The following FZD3 variants were observed in gnomAD, a reference collection of about 807,000 sequenced individuals.
The protein encoded by FZD3 is frizzled-3.
Under a neutral mutation model 60.7 loss-of-function variants are expected in FZD3, and 30 were observed. The ratio of observed to expected loss-of-function variants is 0.49; its 90% CI spans 0.37 to 0.67. FZD3 has a LOEUF of 0.67. Ranked by LOEUF, FZD3 falls within the 30% of genes least tolerant of loss-of-function variation. The pLI is 0.00. For synonymous variants in FZD3, 246 were observed against 275.2 expected (o/e 0.89, Z 1.05); for missense variants, 605 against 838.7 (o/e 0.72, Z 3.44).
At chr8:28,498,355 A>G (rs1443398942) in intron 1 of FZD3, among the ~76,000 whole-genome samples, 1 of 151,126 alleles carries the variant, frequency 6.6e-6, no homozygotes, top group Non-Finnish European at 1.5e-5. Context: ...GCCCCAAATG[A>G]CTGTTAACTT....
At position 28,527,089 on chromosome 8, in the gene FZD3, A is replaced by G. The variant is rs2130372343; in HGVS notation, c.387-58A>G. On this transcript the variant is annotated intron_variant, in intron 4 of 7. Coordinates refer to ENST00000240093, the MANE Select transcript of FZD3 (RefSeq NM_017412.4). The surrounding 1 kb of genome is among the most constrained non-coding windows in gnomAD (Gnocchi z 5.0). Reference sequence around the variant, plus strand: ...GCCAGATTTGGAAATCCAAACTGTTAGATCGTGATAGATTTCCCCATAAGT... The same window carrying G: ...GCCAGATTTGGAAATCCAAACTGTTGGATCGTGATAGATTTCCCCATAAGT... 2 of 1,417,794 alleles carry G rather than the reference A, an allele frequency of 1.4e-6. No homozygotes were observed. Among genetic ancestry groups the G allele is most frequent in the East Asian group, 4.6e-5 (2 of 43,874 alleles). The allele number at this position is 1,417,794 out of a possible 1,614,324, so 87.8% of individuals were successfully genotyped here.
intron 3 of FZD3, among the ~76,000 whole-genome samples, chr8:28,509,361 C>T (rs539952214): frequency 2.0e-5 from 3 of 151,402 alleles, no homozygotes; most frequent in Admixed American, 2.0e-4. Context: ...ATTCTTTCAC[C>T]TTTTTTGATA....
intron 5 of FZD3, among the ~76,000 whole-genome samples, chr8:28,538,344 G>T (rs1805073059): frequency 6.6e-6 from 1 of 152,066 alleles, no homozygotes; most frequent in Non-Finnish European, 1.5e-5. Flanking sequence ...AATCATAGTT[G>T]CTTCTAGTTT....
At chr8:28,547,437 A>G (rs1291918591) in intron 5 of FZD3, among the ~76,000 whole-genome samples, 1 of 152,250 alleles carries the variant, frequency 6.6e-6, no homozygotes, top group Admixed American at 6.5e-5. Flanking sequence ...GCTTAATCAA[A>G]GGGTATAACT....
rs757929515 is a variant in FZD3 at position 28,567,487 on chromosome 8, A to G, written c.*4476A>G. The G allele has an allele frequency of 1.3e-5, 2 of 152,202 alleles. No individual in the cohort carries two copies. The highest frequency in any genetic ancestry group is 4.8e-5 in the African/African-American group (2 of 41,378). 9.4% of individuals were successfully genotyped at this position (152,202 alleles called of 1,614,324 possible). On this transcript the variant is annotated 3_prime_UTR_variant, in exon 8 of 8. Coordinates refer to ENST00000240093, the MANE Select transcript of FZD3 (RefSeq NM_017412.4). ...ATTTTTTGTAGAGATGAGTCTCACT[A>G]TGTTGACCAGGCTGGTCTTGAACTC...
At chr8:28,530,095 G>C (rs948933985) in intron 5 of FZD3, among the ~76,000 whole-genome samples, 8 of 16,914 alleles carry the variant, frequency 4.7e-4, no homozygotes, top group Admixed American at 3.0e-3. Context: ...ATATCTGTGT[G>C]TGTGTGTGTG....
At chr8:28,512,146 G>A (rs1028131926) in intron 3 of FZD3, among the ~76,000 whole-genome samples, 2 of 151,920 alleles carry the variant, frequency 1.3e-5, no homozygotes, top group Non-Finnish European at 2.9e-5. Context: ...TGGGTGGTAG[G>A]GGACAGAGTG....
At chr8:28,538,443 A>G (rs1364427592) in intron 5 of FZD3, among the ~76,000 whole-genome samples, 1 of 152,154 alleles carries the variant, frequency 6.6e-6, no homozygotes, top group East Asian at 1.9e-4. Context: ...AGTAAGTTAT[A>G]TTGTACTCAG....
intron 3 of FZD3, among the ~76,000 whole-genome samples, chr8:28,514,808 G>A (rs1453744471): frequency 6.6e-6 from 1 of 152,192 alleles, no homozygotes; most frequent in East Asian, 1.9e-4. Flanking sequence ...AAGTAGGCCT[G>A]CTACAGCTCT....
rs77674172 is a variant in FZD3, at chr8:28,498,879, A to C, written c.-390-1054A>C. Among the ~76,000 whole-genome samples, 1,314 of 152,348 alleles carry C rather than the reference A, an allele frequency of 8.6e-3. 21 individuals are homozygous for C. The highest frequency in any genetic ancestry group is 0.03 in the African/African-American group (1,242 of 41,572). Reference sequence around the variant, plus strand: ...TGTGCCCAGCCAGGAATGTTTATCAAAAGTTTTTAAATTGTGCATACCATT... The same window carrying C: ...TGTGCCCAGCCAGGAATGTTTATCACAAGTTTTTAAATTGTGCATACCATT... On this transcript the variant is annotated intron_variant, in intron 1 of 7. Coordinates refer to ENST00000240093, the MANE Select transcript of FZD3 (RefSeq NM_017412.4).
Position 28,555,754 on chromosome 8 carries a change from C to T in FZD3, c.1570C>T (p.Arg524Ter). 1 of 1,605,154 alleles carries T rather than the reference C, an allele frequency of 6.2e-7. No homozygotes were observed. The change falls in exon 7 of 8, where the codon CGA becomes TGA. Residue 524 changes from arginine (R) to a stop codon, truncating the protein, a stop_gained. Transcript: ENST00000240093. LOFTEE classifies it high-confidence loss of function. The stretch of plus-strand genomic sequence containing the variant: ...GTTGTCTAGGATAGTGAATGAGAGC[C>T]GACAGGTACTCCAGGAACCTGATTT... Reference protein sequence around the residue: ...RRKKEIVNESRQVLQEPDFAQ... With the variant: ...RRKKEIVNES
At position 28,502,728 on chromosome 8, in the gene FZD3, A is replaced by T. The variant is rs1395440103; in HGVS notation, c.-286A>T. 4.7e-6 allele frequency: 1 copy of T among 213,418 alleles called. No individual in the cohort carries two copies. The highest frequency in any genetic ancestry group is 9.2e-6 in the Non-Finnish European group (1 of 108,682). 13.2% of individuals were successfully genotyped at this position (213,418 alleles called of 1,614,324 possible). On this transcript the variant is annotated 5_prime_UTR_variant, in exon 3 of 8. It removes an upstream start codon present in the reference 5' UTR. Coordinates refer to ENST00000240093, the MANE Select transcript of FZD3 (RefSeq NM_017412.4). ...CTAAGATGGAATCTGTGGTTTGGGAATGTGGTTGATCAACTTGATATGTTG... is the reference window on the plus strand; with the variant it reads ...CTAAGATGGAATCTGTGGTTTGGGATTGTGGTTGATCAACTTGATATGTTG...
At chr8:28,528,640 T>G (rs957478326) in intron 5 of FZD3, among the ~76,000 whole-genome samples, 3 of 152,148 alleles carry the variant, frequency 2.0e-5, no homozygotes, top group African/African-American at 7.2e-5. Flanking sequence ...GTTTAAAGAG[T>G]TCAGAGCCTC....
intron 7 of FZD3, among the ~76,000 whole-genome samples, chr8:28,560,557 G>T (rs1035665371): frequency 2.6e-5 from 4 of 152,012 alleles, no homozygotes; most frequent in African/African-American, 9.7e-5. Context: ...TATTATTTGA[G>T]TTTTTGTAAC....
At chr8:28,499,403 A>C (rs2130260425) in intron 1 of FZD3, among the ~76,000 whole-genome samples, 1 of 152,226 alleles carries the variant, frequency 6.6e-6, no homozygotes, top group African/African-American at 2.4e-5. Flanking sequence ...ACCATAATTT[A>C]TTTAACCAAT....
At chr8:28,505,386 C>T (rs1804110010) in intron 3 of FZD3, among the ~76,000 whole-genome samples, 1 of 152,052 alleles carries the variant, frequency 6.6e-6, no homozygotes, top group Non-Finnish European at 1.5e-5. Flanking sequence ...TGGTCTCACT[C>T]TGTGGCCCAC....
chr8:28,507,533 T>A (rs959536236), intron 3 of FZD3, among the ~76,000 whole-genome samples: 6 of 152,222 alleles, frequency 3.9e-5, no homozygotes, highest in African/African-American at 7.2e-5. Flanking sequence ...CCAATAGTTT[T>A]GTTAGGGGTT....
chr8:28,538,984 T>A lies in FZD3; in HGVS notation c.1404+10820T>A, dbSNP rs1028655127. 1.2e-4 allele frequency among the ~76,000 whole-genome samples: 19 copies of A among 152,130 alleles called. 1 individual carries two copies. The highest frequency in any genetic ancestry group is 4.3e-4 in the African/African-American group (18 of 41,424). The stretch of plus-strand genomic sequence containing the variant: ...AATAAACATGGAAATCAGATGGTTC[T>A]GTGACTAAAGAACAGTTTTTAGTTC... On this transcript the variant is annotated intron_variant, in intron 5 of 7. Coordinates refer to ENST00000240093, the MANE Select transcript of FZD3 (RefSeq NM_017412.4).
intron 5 of FZD3, among the ~76,000 whole-genome samples, chr8:28,545,189 G>A (rs1805266732): frequency 6.6e-6 from 1 of 152,220 alleles, no homozygotes; most frequent in African/African-American, 2.4e-5. Flanking sequence ...TCTTCAGAGA[G>A]ATGCAGCCCC....
Sources: gnomAD v4.1 joint callset for allele counts (sites outside exome capture counted in the v4.1 genomes callset) on GRCh38, gnomAD v4.1.1 for gene constraint, Gnocchi (gnomAD v3.1) non-coding constraint, MANE v1.5 for transcripts, NCBI Gene and HGNC (gene_info 2026-07-23, HGNC 2026-07-21) for gene names.